PGCKA1: variants seen among roughly 807,000 people sequenced by gnomAD.
PGCKA1 encodes the protein PDCD10 and GCKIII kinases-associated protein 1.
chr4:37,564,519 T>TTTTA, the PGCKA1 span, among the ~76,000 whole-genome samples: 3 of 150,966 alleles, frequency 2.0e-5, no homozygotes, highest in African/African-American at 7.3e-5. Flanking sequence ...TTATTTATTT[T>TTTTA]TTTTGAGATG....
the PGCKA1 span, among the ~76,000 whole-genome samples, chr4:37,546,174 G>A: frequency 3.3e-5 from 5 of 152,096 alleles, no homozygotes; most frequent in African/African-American, 1.2e-4. Flanking sequence ...CCTAACTACT[G>A]TCTGAAAAAG....
At chr4:37,580,197 T>C in the PGCKA1 span, among the ~76,000 whole-genome samples, 2 of 152,198 alleles carry the variant, frequency 1.3e-5, no homozygotes, top group South Asian at 2.1e-4. Flanking sequence ...TTGAATTTCT[T>C]TGAGTTTCCT....
chr4:37,479,470 A>G, the PGCKA1 span, among the ~76,000 whole-genome samples: 1 of 152,164 alleles, frequency 6.6e-6, no homozygotes, highest in Non-Finnish European at 1.5e-5. Context: ...TTTAGTCTAG[A>G]AGAGTTAGAT....
the PGCKA1 span, among the ~76,000 whole-genome samples, chr4:37,462,216 T>C: frequency 6.6e-6 from 1 of 152,210 alleles, no homozygotes; most frequent in Non-Finnish European, 1.5e-5. Flanking sequence ...TAGTTCTTTA[T>C]GTAGTTCTGT....
At chr4:37,592,196 A>C in the PGCKA1 span, among the ~76,000 whole-genome samples, 2 of 139,240 alleles carry the variant, frequency 1.4e-5, no homozygotes, top group Non-Finnish European at 1.6e-5. Flanking sequence ...GTGACAGTGC[A>C]AGACTCCATC....
At chr4:37,485,509 G>A in the PGCKA1 span, among the ~76,000 whole-genome samples, 1 of 152,086 alleles carries the variant, frequency 6.6e-6, no homozygotes, top group African/African-American at 2.4e-5. Context: ...ATCAGATGGG[G>A]GCCCCTTGAC....
the PGCKA1 span, among the ~76,000 whole-genome samples, chr4:37,541,250 C>G: frequency 6.6e-6 from 1 of 152,162 alleles, no homozygotes; most frequent in Non-Finnish European, 1.5e-5. Flanking sequence ...ACCCACAAAC[C>G]TTCCCTTCCT....
At chr4:37,528,361 G>A in the PGCKA1 span, among the ~76,000 whole-genome samples, 1 of 152,154 alleles carries the variant, frequency 6.6e-6, no homozygotes, top group Admixed American at 6.5e-5. Flanking sequence ...ATAGCTGTGA[G>A]CCACAGAGCC....
the PGCKA1 span, among the ~76,000 whole-genome samples, chr4:37,524,736 G>A: frequency 4.6e-5 from 7 of 152,312 alleles, no homozygotes; most frequent in South Asian, 1.4e-3. Context: ...ATGGTGTACT[G>A]CTTAGTAAAG....
chr4:37,478,302 T>C, the PGCKA1 span, among the ~76,000 whole-genome samples: 17 of 152,142 alleles, frequency 1.1e-4, no homozygotes, highest in African/African-American at 3.1e-4. Context: ...GACACAGCCC[T>C]CTGAAAATAA....
At chr4:37,525,503 G>GTATT in the PGCKA1 span, among the ~76,000 whole-genome samples, 88,237 of 151,552 alleles carry the variant, frequency 0.58, 26,162 homozygotes, top group South Asian at 0.68. Context: ...CTTTTAAACT[G>GTATT]TATTAGCAAG....
chr4:37,504,058 A>ATAG, the PGCKA1 span, among the ~76,000 whole-genome samples: 77 of 152,228 alleles, frequency 5.1e-4, no homozygotes, highest in African/African-American at 1.8e-3. Context: ...ATGTTTTCTT[A>ATAG]TAGTAGTTTC....
At chr4:37,458,547 A>T in the PGCKA1 span, among the ~76,000 whole-genome samples, 2 of 152,058 alleles carry the variant, frequency 1.3e-5, no homozygotes, top group African/African-American at 4.8e-5. Flanking sequence ...GTATTGGCGG[A>T]CCATCGGCCA....
chr4:37,519,860 C>T, the PGCKA1 span, among the ~76,000 whole-genome samples: 1 of 152,244 alleles, frequency 6.6e-6, no homozygotes, highest in East Asian at 1.9e-4. Context: ...GAAAGGCTTT[C>T]ACTTTTCGCC....
chr4:37,521,768 A>G, the PGCKA1 span, among the ~76,000 whole-genome samples: 30,911 of 152,098 alleles, frequency 0.2, 3,883 homozygotes, highest in African/African-American at 0.35. Flanking sequence ...GATCTGTCCA[A>G]TGCTGAAAGC....
the PGCKA1 span, among the ~76,000 whole-genome samples, chr4:37,475,420 A>T: frequency 2.6e-5 from 4 of 151,922 alleles, no homozygotes. Flanking sequence ...ACAGGCTGCC[A>T]GGTACAAGCT....
At chr4:37,583,521 C>G in the PGCKA1 span, among the ~76,000 whole-genome samples, 5 of 151,878 alleles carry the variant, frequency 3.3e-5, no homozygotes, top group Non-Finnish European at 4.4e-5. Flanking sequence ...ACTGCAAGCT[C>G]CGCCTCCCAG....
chr4:37,508,240 G>C, the PGCKA1 span, among the ~76,000 whole-genome samples: 1 of 151,930 alleles, frequency 6.6e-6, no homozygotes. Context: ...CTTACACTTG[G>C]ATATTGATAA....
the PGCKA1 span, among the ~76,000 whole-genome samples, chr4:37,528,723 A>C: frequency 6.6e-6 from 1 of 152,270 alleles, no homozygotes; most frequent in Non-Finnish European, 1.5e-5. Context: ...AGTCTGCGGT[A>C]GCAAGAGTTC....
Sources: allele counts gnomAD v4.1 joint callset (sites outside exome capture counted in the v4.1 genomes callset), GRCh38; gene constraint gnomAD v4.1.1; transcripts MANE v1.5; gene names NCBI Gene and HGNC (gene_info 2026-07-23, HGNC 2026-07-21).